The following GALNT13 variants were observed in gnomAD, a reference collection of about 807,000 sequenced individuals.
GALNT13 encodes the protein UDP-GalNAc:polypeptide N-acetylgalactosaminyltransferase 13.
In GALNT13, 28 loss-of-function variants were observed where a neutral mutation model predicts 64.2. The ratio of observed to expected loss-of-function variants is 0.44; its 90% CI spans 0.32 to 0.60. GALNT13 has a LOEUF of 0.60. Ranked by LOEUF, GALNT13 falls within the 20% of genes least tolerant of loss-of-function variation. GALNT13 has a pLI of 0.05. For missense variants in GALNT13, 577 were observed against 669.8 expected, an observed-to-expected ratio of 0.86 and a Z score of 1.53; for synonymous variants, 214 against 224.6, an observed-to-expected ratio of 0.95 and a Z score of 0.42.
At chr2:153,167,000 C>T in the GALNT13 span, among the ~76,000 whole-genome samples, 3 of 152,194 alleles carry the variant, frequency 2.0e-5, no homozygotes, top group Non-Finnish European at 4.4e-5. Flanking sequence ...TGATTGCAGC[C>T]TTGTGAGACT....
At position 153,883,852 on chromosome 2, in the gene GALNT13, A is replaced by G. The variant is rs746734325; in HGVS notation, c.-177+11549A>G. Among the ~76,000 whole-genome samples, 6 of 152,284 alleles carry G rather than the reference A, an allele frequency of 3.9e-5. No individual in the cohort carries two copies. The South Asian group carries it at 6.2e-4, about 16-fold the overall frequency. ...GCTCCAAAATGAATAATATTTTTAT[A>G]TTAAATATACATGGTATTTACTGAT... On this transcript the variant is annotated intron_variant, in intron 1 of 12. Coordinates refer to ENST00000392825, the MANE Select transcript of GALNT13 (RefSeq NM_052917.4).
At chr2:154,361,935 T>C (rs1354615447) in intron 9 of GALNT13, among the ~76,000 whole-genome samples, 1 of 152,100 alleles carries the variant, frequency 6.6e-6, no homozygotes, top group Non-Finnish European at 1.5e-5. Context: ...ATATGACTCA[T>C]CTCTCAAGAT....
intron 3 of GALNT13, among the ~76,000 whole-genome samples, chr2:154,137,781 C>A (rs74861521): frequency 0.01 from 1,580 of 152,150 alleles, 16 homozygotes; most frequent in Admixed American, 0.019. Context: ...ACTTTCTCTG[C>A]AGCATGTCTT....
At chr2:153,809,812 A>C in the GALNT13 span, among the ~76,000 whole-genome samples, 1 of 152,158 alleles carries the variant, frequency 6.6e-6, no homozygotes, top group African/African-American at 2.4e-5. Flanking sequence ...TTAAAGATCA[A>C]CTTCACTTAC....
At chr2:154,044,141 G>A (rs541377577) in intron 3 of GALNT13, among the ~76,000 whole-genome samples, 12 of 152,086 alleles carry the variant, frequency 7.9e-5, no homozygotes, top group African/African-American at 1.4e-4. Context: ...GCTTTGTAGG[G>A]GATCAAGTTT....
the GALNT13 span, among the ~76,000 whole-genome samples, chr2:153,137,483 G>A: frequency 1.3e-5 from 2 of 151,990 alleles, no homozygotes; most frequent in Non-Finnish European, 2.9e-5. Context: ...CTTTCTAGAG[G>A]AACTATGTTA....
At chr2:153,401,619 G>T in the GALNT13 span, among the ~76,000 whole-genome samples, 1 of 151,116 alleles carries the variant, frequency 6.6e-6, no homozygotes, top group South Asian at 2.1e-4. Flanking sequence ...CCTGTATTGG[G>T]TGCATATATA....
intron 2 of GALNT13, among the ~76,000 whole-genome samples, chr2:153,907,515 GT>G (rs1688658907): frequency 6.6e-6 from 1 of 151,698 alleles, no homozygotes; most frequent in Non-Finnish European, 1.5e-5. Context: ...ACTAAGCCTC[GT>G]ACCTAATGGT....
chr2:153,163,981 G>C, the GALNT13 span, among the ~76,000 whole-genome samples: 1 of 147,116 alleles, frequency 6.8e-6, no homozygotes, highest in Non-Finnish European at 1.5e-5. Context: ...TCGCGCCACT[G>C]CACTCCAGCC....
chr2:154,155,339 T>G (rs1303349313), intron 4 of GALNT13, among the ~76,000 whole-genome samples: 1 of 152,088 alleles, frequency 6.6e-6, no homozygotes, highest in African/African-American at 2.4e-5. Flanking sequence ...GGAAGAAATC[T>G]AATTTAAAAA....
At chr2:154,367,097 CAG>C (rs569330693) in intron 9 of GALNT13, among the ~76,000 whole-genome samples, 292 of 152,034 alleles carry the variant, frequency 1.9e-3, no homozygotes, top group African/African-American at 6.6e-3. Flanking sequence ...AATTATATAA[CAG>C]AGTAAAAATA....
At chr2:153,773,217 T>G in the GALNT13 span, among the ~76,000 whole-genome samples, 1 of 152,288 alleles carries the variant, frequency 6.6e-6, no homozygotes, top group East Asian at 1.9e-4. Context: ...CTGCTTGGGA[T>G]GGATGGGACC....
the GALNT13 span, among the ~76,000 whole-genome samples, chr2:153,112,743 C>G: frequency 1.8e-3 from 267 of 152,066 alleles, 1 homozygote; most frequent in African/African-American, 6.0e-3. Context: ...ATTAACTTCC[C>G]CTTTAAAAGA....
the GALNT13 span, among the ~76,000 whole-genome samples, chr2:153,672,544 G>A: frequency 6.6e-6 from 1 of 152,084 alleles, no homozygotes; most frequent in Non-Finnish European, 1.5e-5. Flanking sequence ...CTGGGACACA[G>A]CTAAAGCAGT....
the GALNT13 span, among the ~76,000 whole-genome samples, chr2:153,805,686 A>G: frequency 3.6e-4 from 55 of 152,228 alleles, no homozygotes; most frequent in South Asian, 1.5e-3. Flanking sequence ...ATGTAAAAAT[A>G]GTTTTGAGAG....
At chr2:153,900,826 C>T (rs1452355757) in intron 1 of GALNT13, 110 bp from the exon 2 acceptor site, 7 of 152,090 alleles carry the variant, frequency 4.6e-5, no homozygotes, top group African/African-American at 1.4e-4. Context: ...TTTGTAAAAC[C>T]TATTTAAGCA....
intron 3 of GALNT13, among the ~76,000 whole-genome samples, chr2:154,064,551 G>A (rs997199904): frequency 6.6e-6 from 1 of 152,092 alleles, no homozygotes; most frequent in Non-Finnish European, 1.5e-5. Flanking sequence ...AGCCAGAGTA[G>A]GCTACAGCAC....
chr2:154,197,534 A>G (rs1488158497), intron 4 of GALNT13, among the ~76,000 whole-genome samples: 1 of 152,144 alleles, frequency 6.6e-6, no homozygotes, highest in Non-Finnish European at 1.5e-5. Context: ...AGTCAATTCC[A>G]GATGATTAAA....
the GALNT13 span, among the ~76,000 whole-genome samples, chr2:153,559,110 G>C: frequency 6.6e-6 from 1 of 152,128 alleles, no homozygotes; most frequent in Non-Finnish European, 1.5e-5. Context: ...ATATATACAT[G>C]AGTATGGACC....
Sources: allele counts gnomAD v4.1 joint callset (sites outside exome capture counted in the v4.1 genomes callset), GRCh38; gene constraint gnomAD v4.1.1; transcripts MANE v1.5; gene names NCBI Gene and HGNC (gene_info 2026-07-23, HGNC 2026-07-21).